The following KRT40 variants were observed in gnomAD, a reference collection of about 807,000 sequenced individuals.
KRT40 encodes the protein keratin, type I cytoskeletal 40.
In KRT40, 47 loss-of-function variants were observed where a neutral mutation model predicts 43.5. That is an observed-to-expected ratio of 1.08 (90% CI 0.86 to 1.38). The LOEUF (loss-of-function observed/expected upper bound fraction) is 1.38, where lower values mean the gene tolerates loss of function less well. Ranked by LOEUF, KRT40 falls within the 40% of genes most tolerant of loss-of-function variation. KRT40 has a pLI of 0.00. For missense variants in KRT40, 573 were observed against 523.6 expected, an observed-to-expected ratio of 1.09 and a Z score of -0.92; for synonymous variants, 212 against 214.0, an observed-to-expected ratio of 0.99 and a Z score of 0.08.
At position 40,982,362 on chromosome 17, in the gene KRT40, G is replaced by A; in HGVS notation, c.632C>T (p.Ala211Val). Residue 211 changes from alanine (A) to valine (V), a missense_variant, in exon 3 of 7, where the codon GCC becomes GTC. Ala to Val is a moderately conservative substitution (Grantham distance 64). Coordinates refer to ENST00000377755, the MANE Select transcript of KRT40 (RefSeq NM_001389244.1). ...ATCTTCCTTCAGAGACTCCACATGGGCCTCCAGATCAGATTTGCACAGGGT... is the reference window on the plus strand; with the variant it reads ...ATCTTCCTTCAGAGACTCCACATGGACCTCCAGATCAGATTTGCACAGGGT... ...ELTLCKSDLE[A>V]HVESLKEDLL... 6.2e-7 allele frequency: 1 copy of A among 1,608,170 alleles called. No individual in the cohort carries two copies. Among genetic ancestry groups the A allele is most frequent in the Non-Finnish European group, 8.5e-7 (1 of 1,177,306 alleles).
intron 3 of KRT40, 127 bp from the exon 4 acceptor site, chr17:40,981,278 TGGGCTGAATCTCTTTTCACCACTTAGAA>T: frequency 6.5e-7 from 1 of 1,542,826 alleles, no homozygotes; most frequent in Non-Finnish European, 8.8e-7. Flanking sequence ...TCAGATTGCC[TGGGCTGAATCTCTTTTCACCACTTAGAA>T]GGGCCTCAGT....
At position 40,978,021 on chromosome 17, in the gene KRT40, A is replaced by G; in HGVS notation, c.*176T>C. 1 of 567,508 alleles carries G rather than the reference A, an allele frequency of 1.8e-6. No individual in the cohort carries two copies. The highest frequency in any genetic ancestry group is 3.1e-6 in the Non-Finnish European group (1 of 317,892). 35.2% of individuals were successfully genotyped at this position (567,508 alleles called of 1,614,324 possible). A position where few individuals can be genotyped will look rare whatever the true frequency, so the allele number is the denominator to read the frequency against. Reference sequence around the variant, plus strand: ...TTTATGGGCTTCCAGTATACCACAAATAAGCCGGAAGGAGAGGAAATAGTA... The same window carrying G: ...TTTATGGGCTTCCAGTATACCACAAGTAAGCCGGAAGGAGAGGAAATAGTA... On this transcript the variant is annotated 3_prime_UTR_variant, in exon 7 of 7. Coordinates refer to ENST00000377755, the MANE Select transcript of KRT40 (RefSeq NM_001389244.1).
rs1377818339 is a variant in KRT40, at chr17:40,978,985, G to A, written c.1015C>T (p.Gln339Ter). 1.2e-6 allele frequency: 2 copies of A among 1,614,064 alleles called. No homozygotes were observed. Among genetic ancestry groups the A allele is most frequent in the Non-Finnish European group, 1.7e-6 (2 of 1,179,966 alleles). The part of the protein sequence containing the change: ...LECTVAETEA[Q>*]YSSQLAQIQC... ...ATTTGGGCCAGCTGGGAGCTGTACT[G>A]GGCCTCGGTTTCTGCCACGGTGCAT... Residue 339 changes from glutamine to a stop codon, truncating the protein, a stop_gained, in exon 6 of 7, where the codon CAG becomes TAG. Transcript: ENST00000377755. LOFTEE classifies it high-confidence loss of function.
chr17:40,982,637 T>C (rs1197212798), intron 2 of KRT40, among the ~76,000 whole-genome samples, 174 bp from the exon 3 acceptor site: 1 of 146,034 alleles, frequency 6.8e-6, no homozygotes, highest in East Asian at 1.9e-4. Flanking sequence ...AAATATTATA[T>C]AGAGAATATT....
chr17:40,983,071 G>A lies in KRT40; in HGVS notation c.505C>T (p.Leu169=). ...RLAVQLDNCK[L]ATDDFKSKYE... ...TTTGACTTAAAGTCATCAGTGGCCA[G>A]TTTGCAGTTGTCAAGCTGTACAGCA... is the stretch of plus-strand genomic sequence containing the variant. The change falls in exon 2 of 7, where the codon CTG becomes TTG. Residue 169 remains leucine, a synonymous_variant. Coordinates refer to ENST00000377755, the MANE Select transcript of KRT40 (RefSeq NM_001389244.1). The A allele has an allele frequency of 6.8e-7, 1 of 1,468,936 alleles. No homozygotes were observed. Among genetic ancestry groups the A allele is most frequent in the Non-Finnish European group, 9.5e-7 (1 of 1,053,270 alleles). The allele number at this position is 1,468,936 out of a possible 1,614,324, so 91.0% of individuals were successfully genotyped here.
upstream of KRT40, among the ~76,000 whole-genome samples, chr17:40,984,755 C>T (rs1317024031): frequency 6.6e-6 from 1 of 152,080 alleles, no homozygotes; most frequent in Non-Finnish European, 1.5e-5. Flanking sequence ...GTTTGTGCCA[C>T]CACCATAAAA....
rs776268814 is a variant in KRT40, at chr17:40,981,043, CA to C, written c.795del (p.Cys265TrpfsTer23). ...NRVLDEMRCQ[C>X]ETVLANNRRE... ...CTGCGATTGTTGGCAAGCACCGTTT[CA>C]CACTGACAGCGCATCTCATCCAGGA... On this transcript the variant is annotated frameshift_variant, in exon 4 of 7. Transcript: ENST00000377755. LOFTEE classifies it high-confidence loss of function. 1.2e-5 allele frequency: 20 copies of C among 1,614,252 alleles called. No individual in the cohort carries two copies. The South Asian group carries it at 2.1e-4, about 17-fold the overall frequency.
At position 40,981,866 on chromosome 17, in the gene KRT40, TTTTG is replaced by T. The variant is rs3067651; in HGVS notation, c.687+437_687+440del. Among the ~76,000 whole-genome samples the T allele has an allele frequency of 6.3e-3, 947 of 149,982 alleles. 8 individuals are homozygous for T. Among genetic ancestry groups the T allele is most frequent in the African/African-American group, 0.022 (879 of 40,516 alleles). On this transcript the variant is annotated intron_variant, in intron 3 of 6. Transcript: ENST00000377755. ...GAATAGTAATAATGCCTCGAGTAGT[TTTTG>T]TTTGTTTGTTTGTTTGTTTGTTTTT...
At chr17:40,980,934 A>G (rs1912109132) in intron 4 of KRT40, 24 bp from the exon 5 acceptor site, 1 of 1,614,054 alleles carries the variant, frequency 6.2e-7, no homozygotes, top group Non-Finnish European at 8.5e-7. Flanking sequence ...ACCATTAGAG[A>G]ATTCAAAAAA....
chr17:40,984,266 G>C lies in KRT40; in HGVS notation c.8C>G (p.Ser3Cys), dbSNP rs1912355472. Residue 3 changes from serine (S) to cysteine (C), a missense_variant, in exon 1 of 7, where the codon TCT (serine) becomes TGT (cysteine). Ser to Cys is a moderately radical substitution (Grantham distance 112). Transcript: ENST00000377755. ...AGAGCAGTGTGTGGAGGAGCAGTCAGAAGTCATCCTTCCAGAAGCAAAGAC... is the reference window on the plus strand; with the variant it reads ...AGAGCAGTGTGTGGAGGAGCAGTCACAAGTCATCCTTCCAGAAGCAAAGAC... MTSDCSSTHCSPE... is the reference protein window; with the variant it reads MTCDCSSTHCSPE... 3.7e-6 allele frequency: 6 copies of C among 1,603,028 alleles called. No homozygotes were observed. The highest frequency in any genetic ancestry group is 1.7e-4 in the Middle Eastern group (1 of 6,036).
rs11649834 is a variant in KRT40, at chr17:40,978,837, G to A, written c.1163C>T (p.Thr388Met). 203,849 of 1,612,254 alleles carry A rather than the reference G, an allele frequency of 0.13. 13,782 individuals carry two copies. Among genetic ancestry groups the A allele is most frequent in the Non-Finnish European group, 0.14 (165,200 of 1,179,404 alleles). ...CTCGCTGTCCAGCAGGCCCCAGTAC[G>A]TGTTGATCTCACCCTCCAGCCGGGC... ...VKARLEGEIN[T>M]YWGLLDSEDS... The change falls in exon 6 of 7, where the codon ACG becomes ATG. Residue 388 changes from threonine to methionine, a missense_variant. Transcript: ENST00000377755.
chr17:40,985,844 A>C (rs962103980), upstream of KRT40, among the ~76,000 whole-genome samples: 1 of 152,208 alleles, frequency 6.6e-6, no homozygotes, highest in African/African-American at 2.4e-5. Flanking sequence ...ACAGTAACCT[A>C]ATGAGTCAAA....
upstream of KRT40, among the ~76,000 whole-genome samples, chr17:40,985,145 G>C (rs1385190168): frequency 6.6e-6 from 1 of 152,080 alleles, no homozygotes; most frequent in Non-Finnish European, 1.5e-5. Context: ...TTCAGAGTAG[G>C]GGCAAGGAAC....
rs751901819 is a variant in KRT40 at position 40,978,926 on chromosome 17, C to T, written c.1074G>A (p.Leu358=). ...GCTCCAGGTCGCAGCGGATCTCGGC[C>T]AGCTGGTTCTCCAGGTTATCGATCA... The part of the protein sequence containing the change: ...QCLIDNLENQ[L]AEIRCDLERQ... The change falls in exon 6 of 7, where the codon CTG becomes CTA. Residue 358 remains leucine (L), a synonymous_variant. Transcript: ENST00000377755. 1 of 1,614,136 alleles carries T rather than the reference C, an allele frequency of 6.2e-7. No homozygotes were observed. The highest frequency in any genetic ancestry group is 8.5e-7 in the Non-Finnish European group (1 of 1,180,018).
At chr17:40,984,599 AAG>A (rs1912380192), upstream of KRT40, among the ~76,000 whole-genome samples, 1 of 152,182 alleles carries the variant, frequency 6.6e-6, no homozygotes, top group Non-Finnish European at 1.5e-5. Flanking sequence ...TAATAAAAGA[AAG>A]AGAAAATTTG....
chr17:40,984,447 T>G, upstream of KRT40: 1 of 595,994 alleles, frequency 1.7e-6, no homozygotes, highest in Non-Finnish European at 3.0e-6. Flanking sequence ...TTAGAGTTGT[T>G]TATTTACTGA....
Position 40,980,889 on chromosome 17 carries a change from G to T in KRT40, c.871C>A (p.Gln291Lys). 1 of 1,614,028 alleles carries T rather than the reference G, an allele frequency of 6.2e-7. No homozygotes were observed. The highest frequency in any genetic ancestry group is 8.5e-7 in the Non-Finnish European group (1 of 1,180,032). The change falls in exon 5 of 7, where the codon CAA becomes AAA. Residue 291 changes from glutamine (Q) to lysine (K), a missense_variant. Coordinates refer to ENST00000377755, the MANE Select transcript of KRT40 (RefSeq NM_001389244.1). ...AVQTEELNQQQLSSAEQLQGC... is the reference protein window; with the variant it reads ...AVQTEELNQQKLSSAEQLQGC... Reference sequence around the variant, plus strand: ...TGCAGCTGCTCCGCGCTGGACAGTTGCTGCTGATTCAGCTCTTCTGTCTGA... The same window carrying T: ...TGCAGCTGCTCCGCGCTGGACAGTTTCTGCTGATTCAGCTCTTCTGTCTGA...
At chr17:40,978,366 G>T (rs1047381669) in intron 6 of KRT40, 70 bp from the exon 7 acceptor site, 2 of 1,276,512 alleles carry the variant, frequency 1.6e-6, no homozygotes, top group Admixed American at 1.7e-5. Context: ...CAGAAAAACC[G>T]TGTCAAAATT....
Position 40,978,854 on chromosome 17 carries a change from C to T in KRT40, c.1146G>A (p.Leu382=), listed in dbSNP as rs1911949525. The T allele has an allele frequency of 1.9e-6, 3 of 1,613,040 alleles. No homozygotes were observed. In the Admixed American group the frequency reaches 5.0e-5, roughly 27 times the overall value. ...YQVLLDVKAR[L]EGEINTYWGL... ...CCCAGTACGTGTTGATCTCACCCTC[C>T]AGCCGGGCCTTCACGTCCAGGAGCA... The change falls in exon 6 of 7, where the codon CTG becomes CTA. Residue 382 remains leucine, a synonymous_variant. Coordinates refer to ENST00000377755, the MANE Select transcript of KRT40 (RefSeq NM_001389244.1).
Sources: allele counts gnomAD v4.1 joint callset (sites outside exome capture counted in the v4.1 genomes callset), GRCh38; gene constraint gnomAD v4.1.1; transcripts MANE v1.5; gene names NCBI Gene and HGNC (gene_info 2026-07-23, HGNC 2026-07-21).